Variants in ANKRD55 observed in about 807,000 individuals in gnomAD.
The protein encoded by ANKRD55 is ankyrin repeat domain-containing protein 55.
In ANKRD55, 41 loss-of-function variants were observed where a neutral mutation model predicts 60.6. That is an observed-to-expected ratio of 0.68 (90% CI 0.53 to 0.88). The LOEUF is 0.88. ANKRD55 is among the 40% of genes least tolerant of loss of function. ANKRD55 has a pLI of 0.00. For missense variants in ANKRD55, 732 were observed against 767.6 expected, an observed-to-expected ratio of 0.95 and a Z score of 0.55; for synonymous variants, 264 against 290.3, an observed-to-expected ratio of 0.91 and a Z score of 0.92.
chr5:56,159,750 G>A, intron 6 of ANKRD55, 83 bp downstream of exon 6: 1 of 1,381,336 alleles, frequency 7.2e-7, no homozygotes, highest in Admixed American at 1.7e-5. Context: ...TAGCTTTTAA[G>A]AGGAAGCACA....
At chr5:56,131,126 AG>A (rs1281830656) in intron 7 of ANKRD55, among the ~76,000 whole-genome samples, 5 of 152,080 alleles carry the variant, frequency 3.3e-5, no homozygotes, top group African/African-American at 1.2e-4. Flanking sequence ...AAAAGCTCAG[AG>A]AACACCAAGC....
intron 7 of ANKRD55, among the ~76,000 whole-genome samples, chr5:56,134,879 C>T (rs1340554493): frequency 6.6e-6 from 1 of 151,894 alleles, no homozygotes; most frequent in Admixed American, 6.6e-5. Context: ...AATCTAGCAA[C>T]GTAAAAAAAG....
At chr5:56,228,361 C>T (rs1760170073) in intron 2 of ANKRD55, among the ~76,000 whole-genome samples, 2 of 151,638 alleles carry the variant, frequency 1.3e-5, no homozygotes, top group South Asian at 2.1e-4. Flanking sequence ...GAGGCCACAG[C>T]AGCCAAGGCT....
chr5:56,196,599 G>A (rs1759235746), intron 2 of ANKRD55, among the ~76,000 whole-genome samples: 1 of 152,132 alleles, frequency 6.6e-6, no homozygotes, highest in Admixed American at 6.5e-5. Flanking sequence ...CAAACCGTGT[G>A]TGTTCATTTG....
chr5:56,167,652 A>G (rs1411077789), intron 5 of ANKRD55, among the ~76,000 whole-genome samples: 6 of 152,212 alleles, frequency 3.9e-5, no homozygotes, highest in Non-Finnish European at 7.3e-5. Context: ...TTTTTGGACA[A>G]TATAACTAAC....
At chr5:56,166,162 C>T (rs2567549) in intron 5 of ANKRD55, among the ~76,000 whole-genome samples, 1,523 of 64,648 alleles carry the variant, frequency 0.024, 51 homozygotes, top group African/African-American at 0.099. Flanking sequence ...TTCTTCTTTC[C>T]TTCCTTCCTT....
chr5:56,226,607 C>G (rs1760115854), intron 2 of ANKRD55, among the ~76,000 whole-genome samples: 1 of 152,164 alleles, frequency 6.6e-6, no homozygotes, highest in African/African-American at 2.4e-5. Flanking sequence ...GGGCTAATAT[C>G]CATAATCTAC....
At chr5:56,169,141 G>C (rs930221010) in intron 5 of ANKRD55, among the ~76,000 whole-genome samples, 1 of 152,176 alleles carries the variant, frequency 6.6e-6, no homozygotes, top group African/African-American at 2.4e-5. Flanking sequence ...ACAGGTGTGA[G>C]CCATGGCACC....
At chr5:56,228,427 CTTTT>C (rs112399991) in intron 2 of ANKRD55, among the ~76,000 whole-genome samples, 1 of 137,672 alleles carries the variant, frequency 7.3e-6, no homozygotes, top group Admixed American at 7.3e-5. Flanking sequence ...CCCCAGCTGA[CTTTT>C]TTTTTTTTTT....
chr5:56,196,594 C>T (rs906839019), intron 2 of ANKRD55, among the ~76,000 whole-genome samples: 4 of 152,132 alleles, frequency 2.6e-5, no homozygotes, highest in Non-Finnish European at 2.9e-5. Flanking sequence ...ATATTCAAAC[C>T]GTGTGTGTTC....
At chr5:56,207,804 T>G (rs2111867980) in intron 2 of ANKRD55, among the ~76,000 whole-genome samples, 1 of 152,340 alleles carries the variant, frequency 6.6e-6, no homozygotes, top group Middle Eastern at 3.4e-3. Flanking sequence ...GACATTACTG[T>G]GCACTACTGT....
chr5:56,214,742 T>C (rs1214091307), intron 2 of ANKRD55, among the ~76,000 whole-genome samples: 1 of 152,232 alleles, frequency 6.6e-6, no homozygotes, highest in African/African-American at 2.4e-5. Flanking sequence ...AAGGGACTGC[T>C]ATTCTAAGAT....
At chr5:56,223,817 G>T (rs1008113262) in intron 2 of ANKRD55, among the ~76,000 whole-genome samples, 1 of 152,108 alleles carries the variant, frequency 6.6e-6, no homozygotes, top group African/African-American at 2.4e-5. Context: ...CCCAATACAG[G>T]AGCACCTAGA....
chr5:56,106,903 A>G (rs906759188), intron 10 of ANKRD55, among the ~76,000 whole-genome samples: 8 of 151,452 alleles, frequency 5.3e-5, no homozygotes, highest in African/African-American at 1.7e-4. Flanking sequence ...TTCCAGTTAC[A>G]TGGGAGGTTG....
chr5:56,125,786 A>G (rs1757229986), intron 8 of ANKRD55: 1 of 152,162 alleles, frequency 6.6e-6, no homozygotes, highest in Non-Finnish European at 1.5e-5. Flanking sequence ...TAATTTTTAA[A>G]AAAAGAATTT....
At position 56,143,923 on chromosome 5, in the gene ANKRD55, T is replaced by C; in HGVS notation, c.490A>G (p.Thr164Ala). ...TGGAAAGCCGCCCAGTGGAGTGGTG[T>C]CATTCCCTGCAAAACAACAGTCAGA... ...EINHQDNEGM[T>A]PLHWAAFHNQ... Residue 164 changes from threonine to alanine, a missense_variant, in exon 7 of 12, where the codon ACA (threonine) becomes GCA (alanine). Thr to Ala is a moderately conservative substitution (Grantham distance 58). Around this residue, in one of 3 missense-constraint regions of ANKRD55, gnomAD observed 597 missense variants for 607.5 expected, o/e 0.98. Transcript: ENST00000341048. 6.2e-7 allele frequency: 1 copy of C among 1,613,942 alleles called. No individual in the cohort carries two copies. The highest frequency in any genetic ancestry group is 8.5e-7 in the Non-Finnish European group (1 of 1,180,036).
intron 2 of ANKRD55, among the ~76,000 whole-genome samples, chr5:56,203,269 T>C (rs1159362030): frequency 1.3e-5 from 2 of 152,186 alleles, no homozygotes; most frequent in East Asian, 1.9e-4. Flanking sequence ...GATTAGATCA[T>C]AGGGGTGGTT....
chr5:56,115,537 T>C (rs1756862123), intron 9 of ANKRD55, among the ~76,000 whole-genome samples: 2 of 151,954 alleles, frequency 1.3e-5, no homozygotes, highest in South Asian at 4.2e-4. Flanking sequence ...CAGGCTGGTC[T>C]AGCTGAACTT....
intron 6 of ANKRD55, among the ~76,000 whole-genome samples, chr5:56,147,031 C>T (rs1757916963): frequency 6.6e-6 from 1 of 152,120 alleles, no homozygotes; most frequent in Non-Finnish European, 1.5e-5. Context: ...GCAAGAAACC[C>T]CCCCACAAAA....
Sources: allele counts gnomAD v4.1 joint callset (sites outside exome capture counted in the v4.1 genomes callset), GRCh38; gene constraint gnomAD v4.1.1; regional missense constraint gnomAD v4.1.1; transcripts MANE v1.5; gene names NCBI Gene and HGNC (gene_info 2026-07-23, HGNC 2026-07-21).